The following RARB variants were observed in gnomAD, a reference collection of about 807,000 sequenced individuals.
RARB encodes HBV-activated protein.
Under a neutral mutation model 51.9 loss-of-function variants are expected in RARB, and 17 were observed. That is an observed-to-expected ratio of 0.33 (90% CI 0.22 to 0.49). The LOEUF (loss-of-function observed/expected upper bound fraction) is 0.49, where lower values mean the gene tolerates loss of function less well. Ranked by LOEUF, RARB falls within the 20% of genes least tolerant of loss-of-function variation. RARB has a pLI of 0.99. For synonymous variants in RARB, 215 were observed against 195.4 expected, an observed-to-expected ratio of 1.10 and a Z score of -0.84; for missense variants, 369 against 550.8, an observed-to-expected ratio of 0.67 and a Z score of 3.30.
At chr3:24,983,815 G>T (rs942917443) in intron 2 of RARB, among the ~76,000 whole-genome samples, 9 of 151,946 alleles carry the variant, frequency 5.9e-5, no homozygotes, top group South Asian at 2.1e-4. Context: ...TTAAATGCAG[G>T]GGGGAGAGGG....
chr3:24,948,912 A>G (rs2125404518), intron 2 of RARB, among the ~76,000 whole-genome samples: 1 of 152,228 alleles, frequency 6.6e-6, no homozygotes, highest in Non-Finnish European at 1.5e-5. Flanking sequence ...TGCTTCCTGT[A>G]CAGCCTGTAG....
At chr3:25,304,092 A>G (rs1189086063) in intron 5 of RARB, among the ~76,000 whole-genome samples, 1 of 152,196 alleles carries the variant, frequency 6.6e-6, no homozygotes, top group Non-Finnish European at 1.5e-5. Flanking sequence ...AACCTTAAAA[A>G]TAAAACATAT....
At chr3:25,404,327 G>GAGTGC (rs1272532271) in intron 5 of RARB, among the ~76,000 whole-genome samples, 1 of 152,128 alleles carries the variant, frequency 6.6e-6, no homozygotes, top group African/African-American at 2.4e-5. Flanking sequence ...AACTGGACTG[G>GAGTGC]AGTGCTGTGT....
chr3:25,229,349 A>G (rs1052316727), intron 5 of RARB, among the ~76,000 whole-genome samples: 1 of 152,116 alleles, frequency 6.6e-6, no homozygotes, highest in Non-Finnish European at 1.5e-5. Context: ...TTCTTTCTGA[A>G]GGTATTCAAA....
intron 4 of RARB, among the ~76,000 whole-genome samples, chr3:25,149,077 A>G (rs1700240842): frequency 6.6e-6 from 1 of 152,188 alleles, no homozygotes; most frequent in African/African-American, 2.4e-5. Flanking sequence ...CCTTTTTCTG[A>G]ACTTCTTCAA....
intron 1 of RARB, among the ~76,000 whole-genome samples, chr3:25,456,345 G>T (rs1488221337): frequency 6.6e-6 from 1 of 152,074 alleles, no homozygotes; most frequent in African/African-American, 2.4e-5. Context: ...ACTTTCTTGG[G>T]GGGTGGAGGA....
chr3:25,362,124 A>G lies in RARB; in HGVS notation c.179-99069A>G, dbSNP rs190787843. On this transcript the variant is annotated intron_variant, in intron 5 of 11. Transcript: ENST00000383772. The stretch of plus-strand genomic sequence containing the variant: ...TGCTGTGTCCCAGGGAGATAGAGAG[A>G]TGGGAGTTTTATCTATAAGCCCCTG... Among the ~76,000 whole-genome samples, 689 of 152,240 alleles carry G rather than the reference A, an allele frequency of 4.5e-3. 2 individuals are homozygous for G. The highest frequency in any genetic ancestry group is 0.01 in the Admixed American group (154 of 15,300).
At chr3:24,855,099 T>C (rs1702615069) in intron 1 of RARB, among the ~76,000 whole-genome samples, 1 of 152,172 alleles carries the variant, frequency 6.6e-6, no homozygotes, top group Non-Finnish European at 1.5e-5. Context: ...GTGTTTTCAC[T>C]TTGTCCATTA....
At chr3:25,082,412 C>CT (rs1191157913) in intron 3 of RARB, among the ~76,000 whole-genome samples, 3 of 151,920 alleles carry the variant, frequency 2.0e-5, no homozygotes, top group Admixed American at 2.0e-4. Context: ...GATTTTTTCT[C>CT]TAAGTTCAGT....
chr3:25,521,657 G>A (rs1285359701), intron 3 of RARB, among the ~76,000 whole-genome samples: 1 of 152,156 alleles, frequency 6.6e-6, no homozygotes, highest in Non-Finnish European at 1.5e-5. Flanking sequence ...TGAGAACCCA[G>A]AATGTGACAC....
chr3:24,982,301 C>T (rs901060560), intron 2 of RARB, among the ~76,000 whole-genome samples: 10 of 152,188 alleles, frequency 6.6e-5, no homozygotes, highest in African/African-American at 2.4e-4. Context: ...CATGGTTGCT[C>T]CTTCCAGCCT....
At chr3:25,021,654 GA>G (rs547301203) in intron 2 of RARB, among the ~76,000 whole-genome samples, 30 of 149,654 alleles carry the variant, frequency 2.0e-4, no homozygotes, top group East Asian at 3.9e-4. Context: ...TTTTTTACTG[GA>G]AAAAAAAATA....
chr3:25,334,338 C>G (rs540902963), intron 5 of RARB, among the ~76,000 whole-genome samples: 3 of 152,282 alleles, frequency 2.0e-5, no homozygotes, highest in Admixed American at 2.0e-4. Flanking sequence ...CCATGGAATA[C>G]TATGCAGCCA....
At chr3:24,866,680 A>G (rs1702854720) in intron 2 of RARB, among the ~76,000 whole-genome samples, 1 of 152,164 alleles carries the variant, frequency 6.6e-6, no homozygotes, top group Non-Finnish European at 1.5e-5. Context: ...AAATGCAAGT[A>G]TTCTTTCCTT....
At chr3:25,306,192 A>C (rs1209419085) in intron 5 of RARB, among the ~76,000 whole-genome samples, 3 of 152,110 alleles carry the variant, frequency 2.0e-5, no homozygotes. Context: ...AGTTTCATTG[A>C]TTGGGTCTCC....
At chr3:25,157,380 G>GTATATA (rs1553638369) in intron 4 of RARB, among the ~76,000 whole-genome samples, 10 of 146,676 alleles carry the variant, frequency 6.8e-5, no homozygotes, top group Admixed American at 2.0e-4. Flanking sequence ...GTGTGTGTGT[G>GTATATA]TATATATATG....
intron 3 of RARB, among the ~76,000 whole-genome samples, chr3:25,515,000 A>T (rs1698086970): frequency 6.6e-6 from 1 of 152,016 alleles, no homozygotes; most frequent in African/African-American, 2.4e-5. Context: ...CTCCCACCCT[A>T]CTCTAATGGA....
At chr3:25,252,486 A>G (rs550001708) in intron 5 of RARB, among the ~76,000 whole-genome samples, 71 of 152,284 alleles carry the variant, frequency 4.7e-4, no homozygotes, top group Non-Finnish European at 6.9e-4. Flanking sequence ...AACATGGTAT[A>G]TCTTTCCATT....
At chr3:25,339,629 C>T (rs1274338059) in intron 5 of RARB, among the ~76,000 whole-genome samples, 1 of 148,786 alleles carries the variant, frequency 6.7e-6, no homozygotes, top group Non-Finnish European at 1.5e-5. Flanking sequence ...GAGAGCATTT[C>T]CCCCAAAAAA....
Sources: allele counts gnomAD v4.1 joint callset (sites outside exome capture counted in the v4.1 genomes callset), GRCh38; gene constraint gnomAD v4.1.1; transcripts MANE v1.5; gene names NCBI Gene and HGNC (gene_info 2026-07-23, HGNC 2026-07-21).